NKAIN2: variants seen among roughly 807,000 people sequenced by gnomAD.
The protein encoded by NKAIN2 is sodium/potassium-transporting ATPase subunit beta-1-interacting protein 2.
Under a neutral mutation model 32.6 loss-of-function variants are expected in NKAIN2, and 14 were observed. The observed-to-expected ratio is 0.43, with a 90% CI of 0.28 to 0.67. NKAIN2 has a LOEUF of 0.67. NKAIN2 is among the 30% of genes least tolerant of loss of function. The probability of loss-of-function intolerance (pLI) is 0.17; values close to 1 mark genes in which losing one functional copy is unlikely to be tolerated. For synonymous variants in NKAIN2, 80 were observed against 87.2 expected (o/e 0.92, Z 0.46); for missense variants, 198 against 258.3 (o/e 0.77, Z 1.60).
At chr6:124,178,118 C>T (rs1239882096) in intron 1 of NKAIN2, among the ~76,000 whole-genome samples, 6 of 151,904 alleles carry the variant, frequency 3.9e-5, no homozygotes, top group Non-Finnish European at 8.8e-5. Context: ...GAAGATGCAG[C>T]AAAAAGGTGC....
intron 1 of NKAIN2, among the ~76,000 whole-genome samples, chr6:123,839,522 A>G (rs899691172): frequency 1.6e-4 from 25 of 152,044 alleles, no homozygotes; most frequent in Non-Finnish European, 2.9e-5. Flanking sequence ...GTTTTGTTTC[A>G]TTAAAAAAAA....
At chr6:123,968,333 C>G (rs905931823) in intron 1 of NKAIN2, among the ~76,000 whole-genome samples, 1 of 152,108 alleles carries the variant, frequency 6.6e-6, no homozygotes, top group Non-Finnish European at 1.5e-5. Flanking sequence ...GGTGCTATTA[C>G]TTATAGTGGT....
intron 1 of NKAIN2, among the ~76,000 whole-genome samples, chr6:124,088,520 T>G (rs1251813583): frequency 6.6e-6 from 1 of 152,050 alleles, no homozygotes; most frequent in East Asian, 1.9e-4. Context: ...ACTTGCCAGC[T>G]TACTTACTGA....
intron 1 of NKAIN2, among the ~76,000 whole-genome samples, chr6:123,939,433 T>C (rs1009610677): frequency 9.2e-5 from 14 of 152,110 alleles, no homozygotes; most frequent in African/African-American, 3.1e-4. Context: ...AAAACAGAGA[T>C]ACTAACTAGC....
rs1471322381 is a variant in NKAIN2 at position 124,583,667 on chromosome 6, C to T, written c.274-74519C>T. On this transcript the variant is annotated intron_variant, in intron 3 of 6. Coordinates refer to ENST00000368417, the MANE Select transcript of NKAIN2 (RefSeq NM_001040214.3). ...GACATATGGTATATGGAACCACAAT[C>T]GACCTAGAACAGCCAAAGCTATCCT... Among the ~76,000 whole-genome samples the T allele has an allele frequency of 2.6e-5, 4 of 152,160 alleles. No individual in the cohort carries two copies. The South Asian group carries it at 6.2e-4, about 24-fold the overall frequency.
At chr6:124,274,442 G>A (rs1794935254) in intron 1 of NKAIN2, among the ~76,000 whole-genome samples, 1 of 152,060 alleles carries the variant, frequency 6.6e-6, no homozygotes, top group Non-Finnish European at 1.5e-5. Context: ...TATTGAATTA[G>A]CAAAGTATTT....
At chr6:124,281,041 C>G (rs1427957187) in intron 1 of NKAIN2, among the ~76,000 whole-genome samples, 2 of 152,098 alleles carry the variant, frequency 1.3e-5, no homozygotes, top group African/African-American at 4.8e-5. Flanking sequence ...ATTATCATCT[C>G]TATATTTTTT....
At chr6:124,409,121 C>T (rs1030295131) in intron 3 of NKAIN2, among the ~76,000 whole-genome samples, 3 of 152,130 alleles carry the variant, frequency 2.0e-5, no homozygotes, top group Non-Finnish European at 4.4e-5. Context: ...TCTAGATATA[C>T]AATGATGTCG....
intron 3 of NKAIN2, among the ~76,000 whole-genome samples, chr6:124,390,228 T>C (rs975333026): frequency 1.3e-5 from 2 of 152,092 alleles, no homozygotes; most frequent in Admixed American, 6.6e-5. Context: ...CACCTAAGAC[T>C]GAAGCAGGGG....
At chr6:124,365,530 G>A (rs1324478098) in intron 3 of NKAIN2, among the ~76,000 whole-genome samples, 2 of 151,800 alleles carry the variant, frequency 1.3e-5, no homozygotes, top group Non-Finnish European at 2.9e-5. Context: ...CAGCTTCAAA[G>A]TATATGAAGT....
chr6:124,138,308 G>T (rs1257415101), intron 1 of NKAIN2, among the ~76,000 whole-genome samples: 6 of 152,048 alleles, frequency 3.9e-5, no homozygotes. Context: ...CTTCAAGAAA[G>T]GCCATAATTT....
chr6:124,217,969 G>A (rs191473670), intron 1 of NKAIN2, among the ~76,000 whole-genome samples: 2 of 152,006 alleles, frequency 1.3e-5, no homozygotes, highest in South Asian at 2.1e-4. Context: ...ATTTGTATGC[G>A]GTCGTTTGCA....
At chr6:124,351,503 A>G (rs111814417) in intron 2 of NKAIN2, among the ~76,000 whole-genome samples, 1,993 of 137,270 alleles carry the variant, frequency 0.015, 35 homozygotes, top group African/African-American at 0.053. Context: ...CTGTCTCAAA[A>G]AAACCAAAAA....
At chr6:124,015,920 G>A (rs1780549279) in intron 1 of NKAIN2, among the ~76,000 whole-genome samples, 1 of 151,960 alleles carries the variant, frequency 6.6e-6, no homozygotes. Flanking sequence ...TTTTTCTCCT[G>A]GAATACATCT....
chr6:124,636,621 T>C (rs1163541233), intron 3 of NKAIN2, among the ~76,000 whole-genome samples: 3 of 151,878 alleles, frequency 2.0e-5, no homozygotes, highest in Non-Finnish European at 2.9e-5. Flanking sequence ...CAGACTATTA[T>C]GAAAAACTCT....
chr6:124,096,556 C>T (rs1361086113), intron 1 of NKAIN2, among the ~76,000 whole-genome samples: 1 of 152,148 alleles, frequency 6.6e-6, no homozygotes, highest in Non-Finnish European at 1.5e-5. Flanking sequence ...AGGCTTTCTC[C>T]ATGTTCATCT....
chr6:124,359,713 T>G (rs1184845955), intron 3 of NKAIN2, among the ~76,000 whole-genome samples: 3 of 152,204 alleles, frequency 2.0e-5, no homozygotes, highest in Admixed American at 1.3e-4. Context: ...TGATGTCATC[T>G]GCGAACAGGG....
intron 2 of NKAIN2, among the ~76,000 whole-genome samples, chr6:124,291,548 G>A (rs1269858880): frequency 6.6e-6 from 1 of 151,978 alleles, no homozygotes; most frequent in Non-Finnish European, 1.5e-5. Context: ...ACTGAGGTAA[G>A]TTCTTCCAAA....
chr6:124,101,490 G>A (rs971738760), intron 1 of NKAIN2, among the ~76,000 whole-genome samples: 11 of 152,222 alleles, frequency 7.2e-5, no homozygotes, highest in African/African-American at 2.6e-4. Context: ...AATGTCAGGA[G>A]TATCAGTTTC....
Sources: allele counts gnomAD v4.1 joint callset (sites outside exome capture counted in the v4.1 genomes callset), GRCh38; gene constraint gnomAD v4.1.1; transcripts MANE v1.5; gene names NCBI Gene and HGNC (gene_info 2026-07-23, HGNC 2026-07-21).